HDAC7: variants seen among roughly 807,000 people sequenced by gnomAD.
HDAC7 encodes histone deacetylase 7.
In HDAC7, 26 loss-of-function variants were observed where a neutral mutation model predicts 115.5. That is an observed-to-expected ratio of 0.23 (90% CI 0.16 to 0.31). HDAC7 has a LOEUF of 0.31. Ranked by LOEUF, HDAC7 falls within the 10% of genes least tolerant of loss-of-function variation. The pLI is 1.00. For missense variants in HDAC7, 1,068 were observed against 1,329.0 expected (o/e 0.80, Z 3.05); for synonymous variants, 564 against 550.9 (o/e 1.02, Z -0.33).
Position 47,796,273 on chromosome 12 carries a change from C to T in HDAC7, c.729G>A (p.Thr243=), listed in dbSNP as rs148220732. The T allele has an allele frequency of 1.6e-3, 2,498 of 1,597,226 alleles. 5 individuals are homozygous for T. The highest frequency in any genetic ancestry group is 6.9e-3 in the Middle Eastern group (41 of 5,962). Residue 243 remains threonine (T), a synonymous_variant, in exon 8 of 26, where the codon ACG becomes ACA. Coordinates refer to ENST00000080059, the MANE Select transcript of HDAC7 (RefSeq NM_015401.5). ...TGGGGGAGCTGCACCCTGATGCGGG[C>T]GTGCTGCTACTACTTGGGGAGGAGT... ...LGDSSPSSSS[T]PASGCSSPND...
In HDAC7 at chr12:47,796,313, G is replaced by A. The variant is rs1943838214; in HGVS notation, c.704-15C>T. ...TGGGGAGGAGTCTGAGGGTTGGGGA[G>A]AGAGGGAAGTGCAGTCAGAGGCCAG... On this transcript the variant is annotated splice_polypyrimidine_tract_variant and intron_variant, in intron 7 of 25. Coordinates refer to ENST00000080059, the MANE Select transcript of HDAC7 (RefSeq NM_015401.5). 6.3e-7 allele frequency: 1 copy of A among 1,583,760 alleles called. No individual in the cohort carries two copies. The highest frequency in any genetic ancestry group is 1.2e-5 in the South Asian group (1 of 86,290).
upstream of HDAC7, chr12:47,820,586 CTG>C (rs1944992295): frequency 6.6e-6 from 1 of 152,224 alleles, no homozygotes. The surrounding 1 kb of genome is among the most constrained non-coding windows in gnomAD (Gnocchi z 4.3). Flanking sequence ...AGGGTCCAGC[CTG>C]TTCCTATTAA....
In HDAC7 at chr12:47,793,333, CCCTCCCT is replaced by C; in HGVS notation, c.1678+29_1678+35del. On this transcript the variant is annotated intron_variant, in intron 13 of 25. Transcript: ENST00000080059. The surrounding 1 kb of genome is among the most constrained non-coding windows in gnomAD (Gnocchi z 4.5). ...CCCACATGGACTCGTGCAGCCGAGC[CCCTCCCT>C]CCACCCGCCACCCTCCTCCCGGTCT... 8.5e-6 allele frequency: 11 copies of C among 1,294,622 alleles called. No individual in the cohort carries two copies. The highest frequency in any genetic ancestry group is 1.5e-5 in the African/African-American group (1 of 67,908). The allele number at this position is 1,294,622 out of a possible 1,614,324, so 80.2% of individuals were successfully genotyped here.
Position 47,793,338 on chromosome 12 carries a change from C to A in HDAC7, c.1678+31G>T. The A allele has an allele frequency of 2.3e-6, 3 of 1,293,474 alleles. No individual in the cohort carries two copies. In the South Asian group the frequency reaches 4.2e-5, roughly 18 times the overall value. The allele number at this position is 1,293,474 out of a possible 1,614,324, so 80.1% of individuals were successfully genotyped here. On this transcript the variant is annotated intron_variant, in intron 13 of 25. Coordinates refer to ENST00000080059, the MANE Select transcript of HDAC7 (RefSeq NM_015401.5). The surrounding 1 kb of genome is among the most constrained non-coding windows in gnomAD (Gnocchi z 4.5). ...ATGGACTCGTGCAGCCGAGCCCCTC[C>A]CTCCACCCGCCACCCTCCTCCCGGT...
intron 15 of HDAC7, 71 bp downstream of exon 15, chr12:47,791,515 G>A: frequency 6.5e-7 from 1 of 1,534,900 alleles, no homozygotes; most frequent in South Asian, 1.2e-5. Context: ...GGCGGGCAGA[G>A]CCGAGACAGG....
In HDAC7 at chr12:47,797,965, G is replaced by A. The variant is rs1417478901; in HGVS notation, c.461+143C>T. On this transcript the variant is annotated intron_variant, in intron 5 of 25. Transcript: ENST00000080059. The surrounding 1 kb of genome is among the most constrained non-coding windows in gnomAD (Gnocchi z 5.5). ...CAGGTATCAGTTGAGAGAGGGGCTCGGGGGCATTATGTTTAGAGGAAGGGT... is the reference window on the plus strand; with the variant it reads ...CAGGTATCAGTTGAGAGAGGGGCTCAGGGGCATTATGTTTAGAGGAAGGGT... 15 of 697,110 alleles carry A rather than the reference G, an allele frequency of 2.2e-5. No homozygotes were observed. The highest frequency in any genetic ancestry group is 7.1e-5 in the African/African-American group (4 of 56,294). The allele number at this position is 697,110 out of a possible 1,614,324, so 43.2% of individuals were successfully genotyped here.
chr12:47,795,398 G>T lies in HDAC7; in HGVS notation c.1088-18C>A. ...CCCGGGCACTGGAAAGAATCGGGGG[G>T]TGGAATAAGGAGGGAACCACAGGGA... is the stretch of plus-strand genomic sequence containing the variant. On this transcript the variant is annotated intron_variant, in intron 10 of 25. Coordinates refer to ENST00000080059, the MANE Select transcript of HDAC7 (RefSeq NM_015401.5). The surrounding 1 kb of genome is among the most constrained non-coding windows in gnomAD (Gnocchi z 4.3). The T allele has an allele frequency of 6.4e-7, 1 of 1,566,660 alleles. No homozygotes were observed. Among genetic ancestry groups the T allele is most frequent in the Non-Finnish European group, 8.7e-7 (1 of 1,154,598 alleles).
At chr12:47,818,913 G>A (rs1435430958) in intron 1 of HDAC7, among the ~76,000 whole-genome samples, 1 of 152,224 alleles carries the variant, frequency 6.6e-6, no homozygotes, top group African/African-American at 2.4e-5. Flanking sequence ...TGGCCTGCGG[G>A]CCCCAGAGGG....
At position 47,795,440 on chromosome 12, in the gene HDAC7, A is replaced by C; in HGVS notation, c.1088-60T>G. 1 of 1,183,668 alleles carries C rather than the reference A, an allele frequency of 8.4e-7. No homozygotes were observed. Among genetic ancestry groups the C allele is most frequent in the Non-Finnish European group, 1.2e-6 (1 of 852,848 alleles). 73.3% of individuals were successfully genotyped at this position (1,183,668 alleles called of 1,614,324 possible). On this transcript the variant is annotated intron_variant, in intron 10 of 25. Transcript: ENST00000080059. This position sits in a 1 kb window ranked among gnomAD's most constrained non-coding sequence, Gnocchi z 4.3. ...CCACAGGGAGCAATGGAAGGAAGCGAGGGTATAGGGTGGGGGGCCAGGGTG... is the reference window on the plus strand; with the variant it reads ...CCACAGGGAGCAATGGAAGGAAGCGCGGGTATAGGGTGGGGGGCCAGGGTG...
rs1943736778 is a variant in HDAC7 at position 47,795,098 on chromosome 12, GC to G, written c.1284+85del. 1.5e-6 allele frequency: 2 copies of G among 1,351,644 alleles called. No homozygotes were observed. Among genetic ancestry groups the G allele is most frequent in the African/African-American group, 2.9e-5 (2 of 69,152 alleles). 83.7% of individuals were successfully genotyped at this position (1,351,644 alleles called of 1,614,324 possible). On this transcript the variant is annotated intron_variant, in intron 11 of 25. Transcript: ENST00000080059. The surrounding 1 kb of genome is among the most constrained non-coding windows in gnomAD (Gnocchi z 4.3). Reference sequence around the variant, plus strand: ...CCCCTCTTTTGCCCTCCAGTTCCCTGCCCTTTCTAAGTACCCCTCTTCTTTT... The same window carrying G: ...CCCCTCTTTTGCCCTCCAGTTCCCTGCCTTTCTAAGTACCCCTCTTCTTTT...
At chr12:47,820,158 C>T (rs920411583), upstream of HDAC7, among the ~76,000 whole-genome samples, 1 of 151,250 alleles carries the variant, frequency 6.6e-6, no homozygotes, top group East Asian at 2.0e-4. The surrounding 1 kb of genome is among the most constrained non-coding windows in gnomAD (Gnocchi z 4.3). Context: ...GAACCCGGAA[C>T]GCCGGCCGCG....
In HDAC7 at chr12:47,783,798, CAGGTCCCA is replaced by C; in HGVS notation, c.*35_*42del. 6.3e-7 allele frequency: 1 copy of C among 1,597,698 alleles called. No individual in the cohort carries two copies. The highest frequency in any genetic ancestry group is 1.1e-5 in the South Asian group (1 of 88,268). On this transcript the variant is annotated 3_prime_UTR_variant, in exon 26 of 26. Coordinates refer to ENST00000080059, the MANE Select transcript of HDAC7 (RefSeq NM_015401.5). Reference sequence around the variant, plus strand: ...CTATTGCCAGGGGTTAGAAGAGAACCAGGTCCCAAGGGCATGGTGGGCGGGCAGATGGT... The same window carrying C: ...CTATTGCCAGGGGTTAGAAGAGAACCAGGGCATGGTGGGCGGGCAGATGGT...
chr12:47,821,048 CA>C (rs1246588127), upstream of HDAC7, among the ~76,000 whole-genome samples: 1 of 152,188 alleles, frequency 6.6e-6, no homozygotes, highest in Non-Finnish European at 1.5e-5. Flanking sequence ...AGAGGTCCAC[CA>C]CGCAGGAACA....
Position 47,787,645 on chromosome 12 carries a change from C to G in HDAC7, c.2453+67G>C, listed in dbSNP as rs376008192. The G allele has an allele frequency of 8.8e-4, 998 of 1,132,104 alleles. 7 individuals carry two copies. The African/African-American group carries it at 0.013, about 15-fold the overall frequency. 70.1% of individuals were successfully genotyped at this position (1,132,104 alleles called of 1,614,324 possible). A position where few individuals can be genotyped will look rare whatever the true frequency, so the allele number is the denominator to read the frequency against. Reference sequence around the variant, plus strand: ...TGACAATCCAACTGATCACCTCCCCCCTGGTGCTCTTGGGAGAAGGGACAG... The same window carrying G: ...TGACAATCCAACTGATCACCTCCCCGCTGGTGCTCTTGGGAGAAGGGACAG... On this transcript the variant is annotated intron_variant, in intron 21 of 25. Coordinates refer to ENST00000080059, the MANE Select transcript of HDAC7 (RefSeq NM_015401.5).
rs940078751 is a variant in HDAC7, at chr12:47,806,684, G to A, written c.20-4410C>T. On this transcript the variant is annotated intron_variant, in intron 1 of 25. Transcript: ENST00000080059. Reference sequence around the variant, plus strand: ...AGCCTGGGCGACAGAGCAAGACTCCGTCTCAAAAACAAAAACAAAAACAAA... The same window carrying A: ...AGCCTGGGCGACAGAGCAAGACTCCATCTCAAAAACAAAAACAAAAACAAA... Among the ~76,000 whole-genome samples the A allele has an allele frequency of 1.9e-3, 283 of 152,114 alleles. 3 individuals are homozygous for A. Among genetic ancestry groups the A allele is most frequent in the Non-Finnish European group, 5.3e-4 (36 of 67,986 alleles).
intron 1 of HDAC7, among the ~76,000 whole-genome samples, chr12:47,807,640 A>G (rs902404716): frequency 3.3e-5 from 5 of 150,674 alleles, no homozygotes; most frequent in African/African-American, 9.8e-5. Flanking sequence ...AGAAAGATGG[A>G]AAAAAAAAAT....
Position 47,797,855 on chromosome 12 carries a change from GGT to G in HDAC7, c.461+251_461+252del, listed in dbSNP as rs373121556. Among the ~76,000 whole-genome samples, 2,639 of 123,852 alleles carry G rather than the reference GGT, an allele frequency of 0.021. 56 individuals are homozygous for G. The highest frequency in any genetic ancestry group is 0.042 in the Middle Eastern group (10 of 240). The allele number at this position is 123,852 out of a possible 152,430, so 81.3% of individuals were successfully genotyped here. Reference sequence around the variant, plus strand: ...TCATGTGCAAGAAAAAAGCCAGTAGGGTGTGTGTGTGTGTGTGTGTGTGTGTG... The same window carrying G: ...TCATGTGCAAGAAAAAAGCCAGTAGGGTGTGTGTGTGTGTGTGTGTGTGTG... On this transcript the variant is annotated intron_variant, in intron 5 of 25. Transcript: ENST00000080059. The surrounding 1 kb of genome is among the most constrained non-coding windows in gnomAD (Gnocchi z 5.5).
Position 47,783,829 on chromosome 12 carries a change from G to A in HDAC7, c.*12C>T, listed in dbSNP as rs1180811171. 3 of 1,610,026 alleles carry A rather than the reference G, an allele frequency of 1.9e-6. No individual in the cohort carries two copies. The South Asian group carries it at 3.3e-5, about 18-fold the overall frequency. On this transcript the variant is annotated 3_prime_UTR_variant, in exon 26 of 26. Coordinates refer to ENST00000080059, the MANE Select transcript of HDAC7 (RefSeq NM_015401.5). ...CCAAGGGCATGGTGGGCGGGCAGAT[G>A]GTTCCAGAGCCTTAGAGATTCATAG...
chr12:47,798,505 C>A lies in HDAC7; in HGVS notation c.349+57G>T. On this transcript the variant is annotated intron_variant, in intron 4 of 25. Coordinates refer to ENST00000080059, the MANE Select transcript of HDAC7 (RefSeq NM_015401.5). This position sits in a 1 kb window ranked among gnomAD's most constrained non-coding sequence, Gnocchi z 4.3. ...CCTCACCCCTCACAAGCCACACAGG[C>A]AGCCGCAGGCACCTGGCTGGTGGGG... 6.6e-7 allele frequency: 1 copy of A among 1,512,800 alleles called. No individual in the cohort carries two copies. The allele number at this position is 1,512,800 out of a possible 1,614,324, so 93.7% of individuals were successfully genotyped here.
Sources: gnomAD v4.1 joint callset for allele counts (sites outside exome capture counted in the v4.1 genomes callset) on GRCh38, gnomAD v4.1.1 for gene constraint, Gnocchi (gnomAD v3.1) non-coding constraint, MANE v1.5 for transcripts, NCBI Gene and HGNC (gene_info 2026-07-23, HGNC 2026-07-21) for gene names.